Variants in KCNH7 observed in about 807,000 individuals in gnomAD.
The protein encoded by KCNH7 is potassium voltage-gated channel subfamily H member 7, also known as voltage-gated inwardly rectifying potassium channel KCNH7.
A neutral mutation model predicts 120.8 loss-of-function variants in KCNH7; 49 were observed. The observed-to-expected ratio is 0.41, with a 90% CI of 0.32 to 0.51. The LOEUF is 0.51. Ranked by LOEUF, KCNH7 falls within the 20% of genes least tolerant of loss-of-function variation. KCNH7 has a pLI of 0.38. For missense variants in KCNH7, 1,097 were observed against 1,446.6 expected, an observed-to-expected ratio of 0.76 and a Z score of 3.92; for synonymous variants, 547 against 516.1, an observed-to-expected ratio of 1.06 and a Z score of -0.81.
At chr2:162,587,921 T>A (rs1398211599) in intron 2 of KCNH7, among the ~76,000 whole-genome samples, 1 of 152,090 alleles carries the variant, frequency 6.6e-6, no homozygotes, top group African/African-American at 2.4e-5. Context: ...ACAGCCGACA[T>A]ACCTACAAGT....
chr2:162,496,403 TG>T (rs1463937099), intron 6 of KCNH7, among the ~76,000 whole-genome samples: 5 of 152,034 alleles, frequency 3.3e-5, no homozygotes, highest in Non-Finnish European at 7.4e-5. Context: ...GCATGCGCAC[TG>T]GGGGGATGGA....
At position 162,371,573 on chromosome 2, in the gene KCNH7, T is replaced by C; in HGVS notation, c.*256A>G. 1.2e-6 allele frequency: 1 copy of C among 854,936 alleles called. No individual in the cohort carries two copies. Among genetic ancestry groups the C allele is most frequent in the Non-Finnish European group, 1.6e-6 (1 of 623,504 alleles). 53.0% of individuals were successfully genotyped at this position (854,936 alleles called of 1,614,324 possible). A position where few individuals can be genotyped will look rare whatever the true frequency, so the allele number is the denominator to read the frequency against. On this transcript the variant is annotated 3_prime_UTR_variant, in exon 16 of 16. Transcript: ENST00000332142. ...GGAGTTTCCTAACATGCATGTGATT[T>C]AAAAAATAAAAATAAAAAATAAGGT...
intron 2 of KCNH7, among the ~76,000 whole-genome samples, chr2:162,552,557 T>A (rs1248666591): frequency 6.6e-6 from 1 of 152,190 alleles, no homozygotes; most frequent in Non-Finnish European, 1.5e-5. Context: ...ATGAAAGACT[T>A]AGACTCCCAC....
intron 2 of KCNH7, among the ~76,000 whole-genome samples, chr2:162,562,735 C>A (rs1159845100): frequency 6.6e-6 from 1 of 152,182 alleles, no homozygotes; most frequent in East Asian, 1.9e-4. Context: ...GCGATGGAAT[C>A]TTGCAAACCA....
chr2:162,435,482 C>A lies in KCNH7; in HGVS notation c.1670G>T (p.Cys557Phe). ...CCAGTGAGCAATCAGGGCAAAGATGCACATTAAGAGCATTAGAACAGCAGC... is the reference window on the plus strand; with the variant it reads ...CCAGTGAGCAATCAGGGCAAAGATGAACATTAAGAGCATTAGAACAGCAGC... ...YGAAVLMLLM[C>F]IFALIAHWLA... Residue 557 changes from cysteine (C) to phenylalanine (F), a missense_variant, in exon 8 of 16, where the codon TGC (cysteine) becomes TTC (phenylalanine). By Grantham distance (205) the Cys-to-Phe change is radical. This residue lies in a region of KCNH7 where 109 missense variants were observed against 196.8 expected (regional missense o/e 0.55). Transcript: ENST00000332142. 3.7e-6 allele frequency: 6 copies of A among 1,613,744 alleles called. No individual in the cohort carries two copies. The highest frequency in any genetic ancestry group is 4.2e-6 in the Non-Finnish European group (5 of 1,179,832).
At chr2:162,692,911 T>C (rs1450384273) in intron 2 of KCNH7, among the ~76,000 whole-genome samples, 1 of 152,072 alleles carries the variant, frequency 6.6e-6, no homozygotes, top group African/African-American at 2.4e-5. Flanking sequence ...AAGTTAATGC[T>C]GGGATTCCAG....
chr2:162,395,822 T>G (rs892602695), intron 11 of KCNH7, among the ~76,000 whole-genome samples: 1 of 151,732 alleles, frequency 6.6e-6, no homozygotes, highest in East Asian at 1.9e-4. Flanking sequence ...TACTTGGGAA[T>G]GTCTATAACT....
chr2:162,392,273 C>CGT lies in KCNH7; in HGVS notation c.2710+2114_2710+2115dup, dbSNP rs368607515. Among the ~76,000 whole-genome samples, 729 of 149,444 alleles carry CGT rather than the reference C, an allele frequency of 4.9e-3. 6 individuals are homozygous for CGT. The highest frequency in any genetic ancestry group is 0.016 in the African/African-American group (670 of 40,840). ...GGATGAAACTGGTGTGGTATGAATTCGTGTGTGTGTGTGTGTGCGCATGTG... is the reference window on the plus strand; with the variant it reads ...GGATGAAACTGGTGTGGTATGAATTCGTGTGTGTGTGTGTGTGTGCGCATGTG... On this transcript the variant is annotated intron_variant, in intron 12 of 15. Transcript: ENST00000332142.
At chr2:162,430,665 G>T (rs374350363) in intron 8 of KCNH7, among the ~76,000 whole-genome samples, 10 of 151,736 alleles carry the variant, frequency 6.6e-5, no homozygotes, top group South Asian at 2.1e-4. Context: ...TATATATTTT[G>T]TTCAGTTTTC....
intron 2 of KCNH7, among the ~76,000 whole-genome samples, chr2:162,649,278 G>C (rs898136277): frequency 1.3e-5 from 2 of 152,078 alleles, no homozygotes; most frequent in African/African-American, 2.4e-5. Context: ...ATTTCCTTAA[G>C]ATTATATCAG....
At chr2:162,424,492 A>G (rs1687797668) in intron 8 of KCNH7, among the ~76,000 whole-genome samples, 1 of 152,250 alleles carries the variant, frequency 6.6e-6, no homozygotes, top group African/African-American at 2.4e-5. Context: ...ACTGAGAGAT[A>G]TGGTAACATA....
At position 162,430,284 on chromosome 2, in the gene KCNH7, A is replaced by G. The variant is rs1054389879; in HGVS notation, c.1954+4914T>C. 5.9e-5 allele frequency among the ~76,000 whole-genome samples: 9 copies of G among 152,016 alleles called. No individual in the cohort carries two copies. In the East Asian group the frequency reaches 1.7e-3, roughly 29 times the overall value. On this transcript the variant is annotated intron_variant, in intron 8 of 15. Transcript: ENST00000332142. ...GTGAGCTCTGGAAATTGTTTAGCTT[A>G]TAGTACTTCTGGAATTTCTTTGCTG... is the stretch of plus-strand genomic sequence containing the variant.
chr2:162,379,790 A>C (rs779209787), intron 14 of KCNH7, 63 bp downstream of exon 14: 1 of 1,495,686 alleles, frequency 6.7e-7, no homozygotes, highest in African/African-American at 1.4e-5. Context: ...ATTTGTAAGG[A>C]GTAAAACTGG....
chr2:162,519,194 T>C (rs1357003194), intron 3 of KCNH7, among the ~76,000 whole-genome samples: 1 of 151,804 alleles, frequency 6.6e-6, no homozygotes, highest in Non-Finnish European at 1.5e-5. Flanking sequence ...TGAAAAAACA[T>C]ATACATTTAT....
At chr2:162,474,108 A>T (rs1689654249) in intron 6 of KCNH7, among the ~76,000 whole-genome samples, 1 of 152,188 alleles carries the variant, frequency 6.6e-6, no homozygotes, top group African/African-American at 2.4e-5. Flanking sequence ...TTTCACAATA[A>T]TCCTATAAAG....
chr2:162,814,625 C>T (rs1684854139), intron 2 of KCNH7, among the ~76,000 whole-genome samples: 1 of 152,092 alleles, frequency 6.6e-6, no homozygotes, highest in Non-Finnish European at 1.5e-5. Flanking sequence ...ATTAGGGTGT[C>T]CTGCTATCAA....
chr2:162,493,632 T>C (rs1690400520), intron 6 of KCNH7, among the ~76,000 whole-genome samples: 1 of 152,208 alleles, frequency 6.6e-6, no homozygotes, highest in Admixed American at 6.5e-5. Context: ...TGGAGTCAGA[T>C]CTTATCTGTG....
intron 2 of KCNH7, among the ~76,000 whole-genome samples, chr2:162,730,560 A>G (rs570969350): frequency 6.6e-6 from 1 of 152,120 alleles, no homozygotes; most frequent in Admixed American, 6.5e-5. Context: ...AACAAATGAC[A>G]ATTAAGACAA....
chr2:162,659,239 T>C (rs1002899618), intron 2 of KCNH7, among the ~76,000 whole-genome samples: 3 of 152,216 alleles, frequency 2.0e-5, no homozygotes. Flanking sequence ...CTTTTCTTTT[T>C]TAGCTTGTTG....
Sources: allele counts gnomAD v4.1 joint callset (sites outside exome capture counted in the v4.1 genomes callset), GRCh38; gene constraint gnomAD v4.1.1; regional missense constraint gnomAD v4.1.1; transcripts MANE v1.5; gene names NCBI Gene and HGNC (gene_info 2026-07-23, HGNC 2026-07-21).